Variants in GNAT3 observed in about 807,000 individuals in gnomAD.
GNAT3 encodes guanine nucleotide-binding protein G(t) subunit alpha-3.
GNAT3 carries 31 observed loss-of-function variants against 37.7 expected under a neutral mutation model. The ratio of observed to expected loss-of-function variants is 0.82; its 90% CI spans 0.62 to 1.11. The LOEUF (loss-of-function observed/expected upper bound fraction) is 1.11, where lower values mean the gene tolerates loss of function less well. Ranked by LOEUF, GNAT3 falls within the 50% of genes most tolerant of loss-of-function variation. GNAT3 has a pLI of 0.00. For synonymous variants in GNAT3, 138 were observed against 139.8 expected (o/e 0.99, Z 0.09); for missense variants, 437 against 412.5 (o/e 1.06, Z -0.51).
intron 1 of GNAT3, among the ~76,000 whole-genome samples, chr7:80,495,247 T>C (rs7808426): frequency 0.27 from 41,417 of 152,048 alleles, 10,261 homozygotes; most frequent in African/African-American, 0.67. Context: ...GTACATATGC[T>C]GTAGTGGGAT....
intron 1 of GNAT3, among the ~76,000 whole-genome samples, chr7:80,497,986 C>T (rs1790765715): frequency 6.6e-6 from 1 of 152,054 alleles, no homozygotes; most frequent in Non-Finnish European, 1.5e-5. Flanking sequence ...AGAATTGTAT[C>T]AGCATATGTA....
chr7:80,489,971 A>G (rs1160826608), intron 2 of GNAT3, among the ~76,000 whole-genome samples: 1 of 152,180 alleles, frequency 6.6e-6, no homozygotes, highest in East Asian at 1.9e-4. Context: ...ATAAAAACAG[A>G]AGTTAAAATG....
intron 2 of GNAT3, among the ~76,000 whole-genome samples, chr7:80,493,818 C>G (rs1790657080): frequency 8.2e-6 from 1 of 121,664 alleles, no homozygotes; most frequent in Non-Finnish European, 1.8e-5. Context: ...CCTCCTCCTC[C>G]TCTTTCCTCC....
At chr7:80,462,861 C>G (rs1024796719) in intron 5 of GNAT3, among the ~76,000 whole-genome samples, 31 of 152,188 alleles carry the variant, frequency 2.0e-4, no homozygotes, top group African/African-American at 7.0e-4. Flanking sequence ...AAATAATTTA[C>G]ACACTGACTT....
intron 2 of GNAT3, among the ~76,000 whole-genome samples, chr7:80,491,107 G>C (rs551526021): frequency 6.6e-6 from 1 of 152,090 alleles, no homozygotes; most frequent in Admixed American, 6.6e-5. Context: ...GAGAAGGGAG[G>C]TAGAAGCTCC....
At chr7:80,501,432 C>A (rs903648994) in intron 1 of GNAT3, among the ~76,000 whole-genome samples, 26 of 151,892 alleles carry the variant, frequency 1.7e-4, no homozygotes, top group African/African-American at 6.3e-4. Context: ...AAGAATAAGA[C>A]AATTTTTCTA....
At chr7:80,510,075 T>G (rs1584203621) in intron 1 of GNAT3, among the ~76,000 whole-genome samples, 1 of 152,264 alleles carries the variant, frequency 6.6e-6, no homozygotes, top group East Asian at 1.9e-4. Context: ...TTGAAATTTA[T>G]TCTTCCTATT....
intron 3 of GNAT3, among the ~76,000 whole-genome samples, chr7:80,480,883 A>G (rs1216576026): frequency 6.6e-6 from 1 of 152,056 alleles, no homozygotes; most frequent in Admixed American, 6.6e-5. Context: ...GTAACTTAGA[A>G]TGCCTTAACT....
chr7:80,487,062 C>A (rs1368208387), intron 3 of GNAT3, among the ~76,000 whole-genome samples: 3 of 152,008 alleles, frequency 2.0e-5, no homozygotes, highest in African/African-American at 7.2e-5. Flanking sequence ...ATAATGGAAT[C>A]CAGGAGAAGT....
chr7:80,470,549 A>G lies in GNAT3; in HGVS notation c.590+3702T>C, dbSNP rs1790197321. Among the ~76,000 whole-genome samples, 3 of 152,208 alleles carry G rather than the reference A, an allele frequency of 2.0e-5. No individual in the cohort carries two copies. The South Asian group carries it at 6.2e-4, about 31-fold the overall frequency. Reference sequence around the variant, plus strand: ...AGAATATCGTATCAAAATAATTTCTAGCTGGGCTTCACAATCCAATTCACA... The same window carrying G: ...AGAATATCGTATCAAAATAATTTCTGGCTGGGCTTCACAATCCAATTCACA... On this transcript the variant is annotated intron_variant, in intron 5 of 7. Coordinates refer to ENST00000398291, the MANE Select transcript of GNAT3 (RefSeq NM_001102386.3).
intron 5 of GNAT3, among the ~76,000 whole-genome samples, chr7:80,466,935 A>T (rs1790137611): frequency 1.3e-5 from 2 of 152,158 alleles, no homozygotes; most frequent in African/African-American, 2.4e-5. Context: ...TAAAAGTCAT[A>T]TTGGAATTGT....
chr7:80,501,669 ATTTTG>A (rs1298659463), intron 1 of GNAT3, among the ~76,000 whole-genome samples: 3 of 151,530 alleles, frequency 2.0e-5, no homozygotes, highest in East Asian at 1.9e-4. Context: ...TATTTTTGTT[ATTTTG>A]TTTTGTTGAC....
intron 4 of GNAT3, 63 bp downstream of exon 4, chr7:80,478,778 A>C: frequency 6.7e-7 from 1 of 1,491,808 alleles, no homozygotes; most frequent in Non-Finnish European, 9.2e-7. Flanking sequence ...CAAAGTATGC[A>C]GAATTATAAT....
chr7:80,459,212 A>C (rs186035619), intron 7 of GNAT3, among the ~76,000 whole-genome samples: 1 of 152,308 alleles, frequency 6.6e-6, no homozygotes, highest in Admixed American at 6.5e-5. Flanking sequence ...AAAGAATGGA[A>C]AAGGTAGATG....
intron 2 of GNAT3, among the ~76,000 whole-genome samples, chr7:80,490,441 A>G (rs966759520): frequency 3.3e-5 from 5 of 152,142 alleles, no homozygotes; most frequent in Admixed American, 2.6e-4. Context: ...ATAGGAACAA[A>G]CTCTGCATAT....
chr7:80,497,732 C>T (rs1790760962), intron 1 of GNAT3, among the ~76,000 whole-genome samples: 1 of 151,402 alleles, frequency 6.6e-6, no homozygotes, highest in South Asian at 2.1e-4. Context: ...GAAGAAAAGT[C>T]AATGGGCTCA....
chr7:80,460,506 A>T (rs1304638388), intron 7 of GNAT3, among the ~76,000 whole-genome samples: 2 of 152,132 alleles, frequency 1.3e-5, no homozygotes, highest in Non-Finnish European at 2.9e-5. Flanking sequence ...TAATCCTAAC[A>T]CTTTGGGAGG....
chr7:80,508,634 T>G (rs758388322), intron 1 of GNAT3, among the ~76,000 whole-genome samples: 1 of 152,056 alleles, frequency 6.6e-6, no homozygotes, highest in Non-Finnish European at 1.5e-5. Flanking sequence ...AAAAGCCTAC[T>G]TTTTGCTAAA....
At chr7:80,469,769 T>A (rs570311523) in intron 5 of GNAT3, among the ~76,000 whole-genome samples, 1 of 152,284 alleles carries the variant, frequency 6.6e-6, no homozygotes, top group South Asian at 2.1e-4. Context: ...GGAAGGTACA[T>A]TATTTTTATA....
Sources: gnomAD v4.1 joint callset for allele counts (sites outside exome capture counted in the v4.1 genomes callset) on GRCh38, gnomAD v4.1.1 for gene constraint, MANE v1.5 for transcripts, NCBI Gene and HGNC (gene_info 2026-07-23, HGNC 2026-07-21) for gene names.